FZD3: variants seen among roughly 807,000 people sequenced by gnomAD.
The protein encoded by FZD3 is frizzled class receptor 3.
Under a neutral mutation model 60.7 loss-of-function variants are expected in FZD3, and 30 were observed. The ratio of observed to expected loss-of-function variants is 0.49; its 90% confidence interval spans 0.37 to 0.67. FZD3 has a LOEUF of 0.67. Ranked by LOEUF, FZD3 falls within the 30% of genes least tolerant of loss-of-function variation. FZD3 has a pLI of 0.00. For missense variants in FZD3, 605 were observed against 838.7 expected, an observed-to-expected ratio of 0.72 and a Z score of 3.44; for synonymous variants, 246 against 275.2, an observed-to-expected ratio of 0.89 and a Z score of 1.05.
chr8:28,521,451 A>G (rs573088095), intron 4 of FZD3, among the ~76,000 whole-genome samples: 2 of 152,282 alleles, frequency 1.3e-5, no homozygotes, highest in East Asian at 3.9e-4. Flanking sequence ...TTTCAAGGAT[A>G]AAGAATAAGG....
intron 5 of FZD3, among the ~76,000 whole-genome samples, chr8:28,548,767 G>C (rs1202308433): frequency 6.6e-6 from 1 of 151,826 alleles, no homozygotes; most frequent in Non-Finnish European, 1.5e-5. Context: ...ATAACTCTTG[G>C]TATTTTTTTT....
At chr8:28,544,291 T>C (rs1805244387) in intron 5 of FZD3, among the ~76,000 whole-genome samples, 1 of 152,152 alleles carries the variant, frequency 6.6e-6, no homozygotes, top group Non-Finnish European at 1.5e-5. Context: ...GTATGCCATA[T>C]CGGAGAATAC....
intron 7 of FZD3, among the ~76,000 whole-genome samples, chr8:28,561,120 G>A (rs1288994089): frequency 6.6e-6 from 1 of 152,058 alleles, no homozygotes; most frequent in South Asian, 2.1e-4. Flanking sequence ...GCAATGGCAC[G>A]ATCTCGGCTC....
intron 4 of FZD3, among the ~76,000 whole-genome samples, chr8:28,522,990 G>A (rs1242790320): frequency 6.6e-6 from 1 of 151,952 alleles, no homozygotes; most frequent in Non-Finnish European, 1.5e-5. Context: ...GGCTGGTCTC[G>A]AACTCCTGAC....
At chr8:28,560,190 C>G (rs1805589985) in intron 7 of FZD3, among the ~76,000 whole-genome samples, 1 of 151,302 alleles carries the variant, frequency 6.6e-6, no homozygotes, top group Non-Finnish European at 1.5e-5. Flanking sequence ...AAATCATCTT[C>G]AAGGTTTTTT....
At chr8:28,514,855 A>G (rs550411125) in intron 3 of FZD3, among the ~76,000 whole-genome samples, 2 of 152,300 alleles carry the variant, frequency 1.3e-5, no homozygotes, top group South Asian at 4.1e-4. Context: ...CTTTCAAGCT[A>G]TCATTTATTA....
chr8:28,561,362 A>AC (rs1024179155), intron 7 of FZD3, among the ~76,000 whole-genome samples: 1 of 152,106 alleles, frequency 6.6e-6, no homozygotes. Flanking sequence ...CGGCCAAAAG[A>AC]CGTGTTTAAA....
At chr8:28,508,165 G>A (rs558569422) in intron 3 of FZD3, among the ~76,000 whole-genome samples, 1 of 152,206 alleles carries the variant, frequency 6.6e-6, no homozygotes, top group African/African-American at 2.4e-5. Context: ...AAAGCACTGG[G>A]ATTACAGGCA....
At position 28,568,428 on chromosome 8, in the gene FZD3, T is replaced by A. The variant is rs1195410103; in HGVS notation, c.*5417T>A. 1 of 152,154 alleles carries A rather than the reference T, an allele frequency of 6.6e-6. No individual in the cohort carries two copies. Among genetic ancestry groups the A allele is most frequent in the Non-Finnish European group, 1.5e-5 (1 of 67,994 alleles). The allele number at this position is 152,154 out of a possible 1,614,324, so 9.4% of individuals were successfully genotyped here. A position where few individuals can be genotyped will look rare whatever the true frequency, so the allele number is the denominator to read the frequency against. ...AAGACTAGGTATCGCATGCCTTCCG[T>A]CTGATTGTAATCAGTCTCCTGGGTT... On this transcript the variant is annotated 3_prime_UTR_variant, in exon 8 of 8. Transcript: ENST00000240093.
In FZD3 at chr8:28,502,912, TAC is replaced by T. The variant is rs1563380224; in HGVS notation, c.-100_-99del. On this transcript the variant is annotated 5_prime_UTR_variant, in exon 3 of 8. Transcript: ENST00000240093. ...CTGTTTGAAGAATTTAACAGTAAGA[TAC>T]AGAAGAAGTACCTTCGAGCTGAGAC... is the stretch of plus-strand genomic sequence containing the variant. 1.4e-6 allele frequency: 1 copy of T among 702,364 alleles called. No individual in the cohort carries two copies. Among genetic ancestry groups the T allele is most frequent in the Non-Finnish European group, 2.4e-6 (1 of 412,908 alleles). 43.5% of individuals were successfully genotyped at this position (702,364 alleles called of 1,614,324 possible).
chr8:28,556,428 G>A (rs1585193367), intron 7 of FZD3, among the ~76,000 whole-genome samples: 1 of 152,162 alleles, frequency 6.6e-6, no homozygotes, highest in East Asian at 1.9e-4. Context: ...AATGAAAATA[G>A]TATTAATATC....
chr8:28,537,506 GCTACTCAGCTTTGCTGCTATGGTACAA>G (rs67554111), intron 5 of FZD3, among the ~76,000 whole-genome samples: 80,385 of 151,626 alleles, frequency 0.53, 21,856 homozygotes, highest in South Asian at 0.63. Flanking sequence ...TTTTGCTGCA[GCTACTCAGCTTTGCTGCTATGGTACAA>G]CTACTCAGCT....
intron 2 of FZD3, among the ~76,000 whole-genome samples, chr8:28,501,164 C>T (rs1803983835): frequency 6.6e-6 from 1 of 152,116 alleles, no homozygotes; most frequent in South Asian, 2.1e-4. Flanking sequence ...ACATGAGGCG[C>T]TTTAGGGCTT....
intron 7 of FZD3, among the ~76,000 whole-genome samples, chr8:28,560,112 A>G (rs767733351): frequency 2.0e-5 from 3 of 152,214 alleles, no homozygotes; most frequent in Non-Finnish European, 4.4e-5. Context: ...AGGAGGTATT[A>G]GTAAAACTAC....
chr8:28,530,089 CTGTGTGTGTGTG>C (rs59022036), intron 5 of FZD3, among the ~76,000 whole-genome samples: 26,793 of 138,464 alleles, frequency 0.19, 2,711 homozygotes, highest in Non-Finnish European at 0.24. Context: ...TGAAATATAT[CTGTGTGTGTGTG>C]TGTGTGTGTG....
At chr8:28,517,136 G>A (rs548045310) in intron 3 of FZD3, among the ~76,000 whole-genome samples, 16 of 152,160 alleles carry the variant, frequency 1.1e-4, no homozygotes, top group African/African-American at 3.9e-4. Context: ...TTTTAGTGCA[G>A]TTTGTTGATG....
chr8:28,568,066 A>G lies in FZD3; in HGVS notation c.*5055A>G, dbSNP rs973521287. 6 of 152,272 alleles carry G rather than the reference A, an allele frequency of 3.9e-5. No homozygotes were observed. The highest frequency in any genetic ancestry group is 1.4e-4 in the African/African-American group (6 of 41,570). The allele number at this position is 152,272 out of a possible 1,614,324, so 9.4% of individuals were successfully genotyped here. A position where few individuals can be genotyped will look rare whatever the true frequency, so the allele number is the denominator to read the frequency against. ...TTAAATTTTAAGTCATCACACTATG[A>G]GAATTGTTTGTACACATTTATAATT... On this transcript the variant is annotated 3_prime_UTR_variant, in exon 8 of 8. Coordinates refer to ENST00000240093, the MANE Select transcript of FZD3 (RefSeq NM_017412.4).
intron 1 of FZD3, among the ~76,000 whole-genome samples, chr8:28,499,671 C>T (rs1014842801): frequency 2.6e-5 from 4 of 151,996 alleles, no homozygotes; most frequent in Admixed American, 2.6e-4. Context: ...TGTACTCCCA[C>T]CCTATACTGT....
intron 1 of FZD3, among the ~76,000 whole-genome samples, chr8:28,494,775 G>A (rs1218750871): frequency 2.6e-5 from 4 of 152,048 alleles, no homozygotes; most frequent in African/African-American, 9.7e-5. Context: ...GGGCCCGGCC[G>A]GAGCCGGCGG....
Sources: gnomAD v4.1 joint callset for allele counts (sites outside exome capture counted in the v4.1 genomes callset) on GRCh38, gnomAD v4.1.1 for gene constraint, MANE v1.5 for transcripts, NCBI Gene and HGNC (gene_info 2026-07-23, HGNC 2026-07-21) for gene names.